FGD4: variants seen among roughly 807,000 people sequenced by gnomAD.
FGD4 encodes the protein FYVE, RhoGEF and PH domain containing 4.
FGD4 carries 42 observed loss-of-function variants against 102.0 expected under a neutral mutation model. The observed-to-expected ratio is 0.41, with a 90% CI of 0.32 to 0.53. FGD4 has a LOEUF of 0.53. Among genes scored for constraint, FGD4 ranks in the 20% least tolerant of loss-of-function variants. The pLI is 0.21. For missense variants in FGD4, 902 were observed against 1,078.2 expected, an observed-to-expected ratio of 0.84 and a Z score of 2.29; for synonymous variants, 380 against 375.7, an observed-to-expected ratio of 1.01 and a Z score of -0.13.
intron 15 of FGD4, among the ~76,000 whole-genome samples, chr12:32,635,245 T>C (rs1467470783): frequency 4.6e-5 from 7 of 152,162 alleles, no homozygotes; most frequent in Admixed American, 3.9e-4. Context: ...ACATGCTTCA[T>C]TGGACATCAG....
chr12:32,596,074 T>A (rs1947867558), intron 4 of FGD4, among the ~76,000 whole-genome samples: 1 of 152,228 alleles, frequency 6.6e-6, no homozygotes, highest in Non-Finnish European at 1.5e-5. Context: ...TGGCTTAAAA[T>A]ATACTTTGGT....
intron 1 of FGD4, among the ~76,000 whole-genome samples, chr12:32,509,943 TA>T (rs1939187123): frequency 6.6e-6 from 1 of 152,100 alleles, no homozygotes; most frequent in Admixed American, 6.6e-5. Flanking sequence ...TAGAAACACA[TA>T]GTTCTAACTA....
At chr12:32,453,820 T>G (rs1942877292) in intron 1 of FGD4, among the ~76,000 whole-genome samples, 1 of 152,224 alleles carries the variant, frequency 6.6e-6, no homozygotes, top group African/African-American at 2.4e-5. Flanking sequence ...AGTACCTAAC[T>G]GAACAACTGA....
chr12:32,414,126 C>A (rs947895529), intron 1 of FGD4, among the ~76,000 whole-genome samples: 1 of 151,938 alleles, frequency 6.6e-6, no homozygotes, highest in African/African-American at 2.4e-5. Context: ...CGCCCACCAG[C>A]ACACCCAGCT....
At chr12:32,481,587 C>G (rs1432063108) in intron 1 of FGD4, among the ~76,000 whole-genome samples, 1 of 152,164 alleles carries the variant, frequency 6.6e-6, no homozygotes, top group East Asian at 1.9e-4. Flanking sequence ...TTTTGGGAAG[C>G]TGAGGCGGGT....
At chr12:32,426,617 T>A (rs984059129) in intron 1 of FGD4, among the ~76,000 whole-genome samples, 7 of 152,230 alleles carry the variant, frequency 4.6e-5, no homozygotes, top group Non-Finnish European at 1.0e-4. Context: ...TTCTGTTGTT[T>A]GGAATAGTTT....
At chr12:32,599,381 C>CGTGG (rs1449592477) in intron 5 of FGD4, among the ~76,000 whole-genome samples, 1 of 140,180 alleles carries the variant, frequency 7.1e-6, no homozygotes. Flanking sequence ...GTAGTCCCAG[C>CGTGG]TACTCGGGAG....
At chr12:32,573,874 T>G (rs1341097775) in intron 2 of FGD4, among the ~76,000 whole-genome samples, 2 of 152,172 alleles carry the variant, frequency 1.3e-5, no homozygotes, top group Non-Finnish European at 2.9e-5. Context: ...CCAAACATAA[T>G]GCAAATAGAC....
At chr12:32,405,026 C>T (rs1042783992) in intron 1 of FGD4, among the ~76,000 whole-genome samples, 21 of 152,184 alleles carry the variant, frequency 1.4e-4, no homozygotes, top group South Asian at 6.2e-4. Flanking sequence ...CTCCACCTCC[C>T]GGGTTCACGC....
At chr12:32,509,699 T>C (rs1410147938) in intron 1 of FGD4, among the ~76,000 whole-genome samples, 1 of 152,100 alleles carries the variant, frequency 6.6e-6, no homozygotes, top group Admixed American at 6.6e-5. Flanking sequence ...AGAGGATGTA[T>C]AGAAACAACA....
chr12:32,481,830 A>G (rs1302777683), intron 1 of FGD4, among the ~76,000 whole-genome samples: 1 of 152,194 alleles, frequency 6.6e-6, no homozygotes, highest in Non-Finnish European at 1.5e-5. Flanking sequence ...AAAAAAAAAA[A>G]AAAAGAACAT....
intron 1 of FGD4, among the ~76,000 whole-genome samples, chr12:32,538,223 A>G (rs1044058614): frequency 6.6e-6 from 1 of 152,128 alleles, no homozygotes; most frequent in Non-Finnish European, 1.5e-5. Context: ...ACCATTTAGC[A>G]TGTTATACAG....
At chr12:32,545,976 C>T (rs1306956094) in intron 1 of FGD4, among the ~76,000 whole-genome samples, 1 of 152,170 alleles carries the variant, frequency 6.6e-6, no homozygotes, top group Non-Finnish European at 1.5e-5. Context: ...GGAACAGATT[C>T]TAAGAATTCA....
chr12:32,432,262 A>G (rs1010989649), intron 1 of FGD4, among the ~76,000 whole-genome samples: 2 of 150,502 alleles, frequency 1.3e-5, no homozygotes, highest in Non-Finnish European at 3.0e-5. Context: ...GGGTTTCACC[A>G]TGTTAGCCAG....
intron 1 of FGD4, among the ~76,000 whole-genome samples, chr12:32,487,642 GTC>G (rs1943950681): frequency 6.6e-6 from 1 of 152,280 alleles, no homozygotes; most frequent in Non-Finnish European, 1.5e-5. Flanking sequence ...GGCCAGGCTG[GTC>G]TTGAACTCCG....
At chr12:32,415,636 T>C (rs993452061) in intron 1 of FGD4, among the ~76,000 whole-genome samples, 1 of 152,104 alleles carries the variant, frequency 6.6e-6, no homozygotes, top group African/African-American at 2.4e-5. Flanking sequence ...TTAGCCAGGA[T>C]TGTCTTGATC....
Position 32,462,568 on chromosome 12 carries a change from A to ATT in FGD4, c.166+62617_166+62618dup, listed in dbSNP as rs57441457. Among the ~76,000 whole-genome samples the ATT allele has an allele frequency of 7.3e-5, 11 of 151,628 alleles. No individual in the cohort carries two copies. The South Asian group carries it at 1.2e-3, about 17-fold the overall frequency. On this transcript the variant is annotated intron_variant, in intron 1 of 16. Transcript: ENST00000534526. Reference sequence around the variant, plus strand: ...ATTTTTCATGTGCTTATACATTCTGATTTTTTTTTATCAGAACCACTAATG... The same window carrying ATT: ...ATTTTTCATGTGCTTATACATTCTGATTTTTTTTTTTATCAGAACCACTAATG...
intron 1 of FGD4, among the ~76,000 whole-genome samples, chr12:32,554,472 T>C (rs559414633): frequency 6.6e-6 from 1 of 152,350 alleles, no homozygotes; most frequent in South Asian, 2.1e-4. Context: ...ATTCATTTGT[T>C]TGACAAATAC....
intron 4 of FGD4, among the ~76,000 whole-genome samples, chr12:32,589,347 A>G (rs1485792584): frequency 2.0e-5 from 3 of 151,738 alleles, no homozygotes; most frequent in Non-Finnish European, 4.4e-5. Flanking sequence ...TTTGCATACC[A>G]CCTCTTTTTT....
Sources: gnomAD v4.1 joint callset for allele counts (sites outside exome capture counted in the v4.1 genomes callset) on GRCh38, gnomAD v4.1.1 for gene constraint, MANE v1.5 for transcripts, NCBI Gene and HGNC (gene_info 2026-07-23, HGNC 2026-07-21) for gene names.